Variants in PALS1 observed in about 807,000 individuals in gnomAD.
The protein encoded by PALS1 is protein PALS1.
Under a neutral mutation model 78.9 loss-of-function variants are expected in PALS1, and 31 were observed. The ratio of observed to expected loss-of-function variants is 0.39; its 90% confidence interval spans 0.30 to 0.53. The LOEUF is 0.53. Ranked by LOEUF, PALS1 falls within the 20% of genes least tolerant of loss-of-function variation. The pLI is 0.67. For missense variants in PALS1, 704 were observed against 826.5 expected (o/e 0.85, Z 1.82); for synonymous variants, 276 against 270.9 (o/e 1.02, Z -0.18).
chr14:67,318,873 T>C (rs1218489998), intron 11 of PALS1, among the ~76,000 whole-genome samples: 2 of 151,880 alleles, frequency 1.3e-5, no homozygotes, highest in East Asian at 1.9e-4. Flanking sequence ...CTGGCTAACA[T>C]GGTGAAACTC....
chr14:67,295,653 A>G (rs1206638192), intron 4 of PALS1, among the ~76,000 whole-genome samples: 1 of 152,206 alleles, frequency 6.6e-6, no homozygotes, highest in Middle Eastern at 3.2e-3. Flanking sequence ...TTAAAACATA[A>G]TGAGATACAG....
chr14:67,284,547 TAAAAAAAAAAAAAAAAAA>T (rs36207191), intron 3 of PALS1, among the ~76,000 whole-genome samples: 435 of 23,244 alleles, frequency 0.019, 4 homozygotes, highest in African/African-American at 0.043. Context: ...GCTGCAGTGC[TAAAAAAAAAAAAAAAAAA>T]AAAAAAAAAA....
chr14:67,279,356 AC>A lies in PALS1; in HGVS notation c.187del (p.Gln63ArgfsTer4). On this transcript the variant is annotated frameshift_variant, in exon 3 of 15. Coordinates refer to ENST00000261681, the MANE Select transcript of PALS1 (RefSeq NM_022474.4). LOFTEE classifies it high-confidence loss of function. ...CACAGTTGGAGCGTATTCGGCAACA[AC>A]AGGAGGACATGAGGCGTAGGAGAGA... ...SAQLERIRQQQEDMRRRREEE... is the reference protein window; with the variant it reads ...SAQLERIRQQXEDMRRRREEE... The A allele has an allele frequency of 6.2e-7, 1 of 1,614,018 alleles. No individual in the cohort carries two copies. Among genetic ancestry groups the A allele is most frequent in the Non-Finnish European group, 8.5e-7 (1 of 1,179,986 alleles).
At chr14:67,332,719 T>C (rs2085468445) in intron 14 of PALS1, 61 bp from the exon 15 acceptor site, 1 of 1,508,628 alleles carries the variant, frequency 6.6e-7, no homozygotes, top group African/African-American at 1.4e-5. Context: ...CATCTCTGAC[T>C]CATCCTATAT....
At chr14:67,275,201 T>C (rs1483719649) in intron 2 of PALS1, among the ~76,000 whole-genome samples, 1 of 152,208 alleles carries the variant, frequency 6.6e-6, no homozygotes, top group Non-Finnish European at 1.5e-5. Flanking sequence ...TTGTGGCAGT[T>C]TTGAAAGAGA....
chr14:67,325,873 AT>A (rs1184921808), intron 14 of PALS1, among the ~76,000 whole-genome samples: 2 of 151,330 alleles, frequency 1.3e-5, no homozygotes, highest in Non-Finnish European at 2.9e-5. Flanking sequence ...CAGTGGCGTA[AT>A]CTTGGCTCAC....
intron 14 of PALS1, among the ~76,000 whole-genome samples, chr14:67,324,902 T>A (rs1372037818): frequency 8.0e-5 from 11 of 137,068 alleles, no homozygotes; most frequent in African/African-American, 2.8e-4. Context: ...CTTTCATTTT[T>A]TTTTTTTTTT....
At chr14:67,303,683 CT>C (rs2084960850) in intron 8 of PALS1, 84 bp downstream of exon 8, 4 of 915,052 alleles carry the variant, frequency 4.4e-6, no homozygotes, top group Non-Finnish European at 7.2e-6. Flanking sequence ...AGAAATGTCA[CT>C]GTTTCCTGTA....
chr14:67,241,708 G>T (rs61990935), intron 1 of PALS1, 175 bp downstream of exon 1: 2,204 of 152,554 alleles, frequency 0.014, 30 homozygotes, highest in Non-Finnish European at 0.021. Context: ...GCGAGCTGCG[G>T]CCGTGGAGGG....
At chr14:67,263,796 T>G (rs1478291871) in intron 1 of PALS1, among the ~76,000 whole-genome samples, 30 of 152,364 alleles carry the variant, frequency 2.0e-4, no homozygotes, top group South Asian at 1.0e-3. Flanking sequence ...GTAGTGTTGC[T>G]GCTTTTACTT....
chr14:67,300,919 TG>T, intron 4 of PALS1, among the ~76,000 whole-genome samples: 1 of 152,094 alleles, frequency 6.6e-6, no homozygotes, highest in East Asian at 1.9e-4. Flanking sequence ...CTCAAACTCC[TG>T]GGCTTAAGCA....
chr14:67,327,987 G>A (rs138828230), intron 14 of PALS1, among the ~76,000 whole-genome samples: 3,145 of 152,124 alleles, frequency 0.021, 117 homozygotes, highest in African/African-American at 0.072. Context: ...TAATCCTTTG[G>A]GTATATACCC....
rs374329692 is a variant in PALS1, at chr14:67,296,585, CAAAAAAAAAAAA to C, written c.576+3883_576+3894del. 1.9e-3 allele frequency among the ~76,000 whole-genome samples: 98 copies of C among 51,022 alleles called. 1 individual carries two copies. Among genetic ancestry groups the C allele is most frequent in the South Asian group, 4.8e-3 (10 of 2,094 alleles). 33.5% of individuals were successfully genotyped at this position (51,022 alleles called of 152,430 possible). ...TGGGCAACAGAGTGAAACTCTGTCT[CAAAAAAAAAAAA>C]AAAAAAAAAAAAAAAAGATGGTGTC... On this transcript the variant is annotated intron_variant, in intron 4 of 14. Transcript: ENST00000261681.
intron 9 of PALS1, among the ~76,000 whole-genome samples, chr14:67,315,369 C>T (rs1442359758): frequency 3.3e-5 from 5 of 149,548 alleles, no homozygotes; most frequent in Non-Finnish European, 5.9e-5. Flanking sequence ...CTCCGCCTCC[C>T]GGGCTCATGC....
Position 67,336,000 on chromosome 14 carries a change from G to C in PALS1, c.*3044G>C, listed in dbSNP as rs2085526996. ...CCCCCTGTTGGCACAGGTATAGGTA[G>C]GTCCTGTTTCCTTAATTATTAAAAC... On this transcript the variant is annotated 3_prime_UTR_variant, in exon 15 of 15. Transcript: ENST00000261681. Among the ~76,000 whole-genome samples the C allele has an allele frequency of 6.6e-6, 1 of 152,112 alleles. No homozygotes were observed. The highest frequency in any genetic ancestry group is 6.6e-5 in the Admixed American group (1 of 15,264).
At chr14:67,321,338 G>T in intron 13 of PALS1, 79 bp downstream of exon 13, 2 of 1,413,876 alleles carry the variant, frequency 1.4e-6, no homozygotes, top group Admixed American at 3.5e-5. Flanking sequence ...CTATATTTTG[G>T]TCCAAGAACA....
At chr14:67,325,983 T>C (rs1049452439) in intron 14 of PALS1, among the ~76,000 whole-genome samples, 56 of 144,846 alleles carry the variant, frequency 3.9e-4, no homozygotes, top group Non-Finnish European at 6.3e-4. Flanking sequence ...TCTTTTCTTT[T>C]TTTTTTTTTT....
chr14:67,297,823 G>T (rs2084879684), intron 4 of PALS1, among the ~76,000 whole-genome samples: 1 of 152,184 alleles, frequency 6.6e-6, no homozygotes, highest in Non-Finnish European at 1.5e-5. Context: ...TCTGCCAATA[G>T]TCAGATATGA....
intron 14 of PALS1, among the ~76,000 whole-genome samples, chr14:67,326,221 ATTTTTTTTTT>A (rs760127048): frequency 1.2e-3 from 15 of 12,910 alleles, no homozygotes; most frequent in East Asian, 2.1e-3. Flanking sequence ...TTTAGGTCTG[ATTTTTTTTTT>A]TTTTTTTTTT....
Sources: allele counts gnomAD v4.1 joint callset (sites outside exome capture counted in the v4.1 genomes callset), GRCh38; gene constraint gnomAD v4.1.1; transcripts MANE v1.5; gene names NCBI Gene and HGNC (gene_info 2026-07-23, HGNC 2026-07-21).